Variants in TRIM38 observed in about 807,000 individuals in gnomAD.
TRIM38 encodes the protein tripartite motif containing 38.
Under a neutral mutation model 35.8 loss-of-function variants are expected in TRIM38, and 35 were observed. The observed-to-expected ratio is 0.98, with a 90% CI of 0.75 to 1.30. The LOEUF (loss-of-function observed/expected upper bound fraction) is 1.30, where lower values mean the gene tolerates loss of function less well. Ranked by LOEUF, TRIM38 falls within the 50% of genes most tolerant of loss-of-function variation. The pLI is 0.00. For missense variants in TRIM38, 545 were observed against 556.9 expected, an observed-to-expected ratio of 0.98 and a Z score of 0.21; for synonymous variants, 198 against 204.7, an observed-to-expected ratio of 0.97 and a Z score of 0.28.
Position 25,973,212 on chromosome 6 carries a change from C to T in TRIM38, c.801C>T (p.Ser267=), listed in dbSNP as rs1760292161. ...AGCTGGAAACATCAGAGGCTGTCTCCTTGGAACTTCATACTATGTGCAATG... is the reference window on the plus strand; with the variant it reads ...AGCTGGAAACATCAGAGGCTGTCTCTTTGGAACTTCATACTATGTGCAATG... The part of the protein sequence containing the change: ...AVKLETSEAV[S]LELHTMCNVS... The change falls in exon 7 of 8, where the codon TCC becomes TCT. Residue 267 remains serine, a synonymous_variant. Transcript: ENST00000357085. 6.2e-7 allele frequency: 1 copy of T among 1,614,194 alleles called. No homozygotes were observed. Among genetic ancestry groups the T allele is most frequent in the Non-Finnish European group, 8.5e-7 (1 of 1,180,036 alleles).
chr6:25,963,561 A>G (rs1462654373), intron 2 of TRIM38, among the ~76,000 whole-genome samples: 1 of 152,092 alleles, frequency 6.6e-6, no homozygotes, highest in Non-Finnish European at 1.5e-5. Flanking sequence ...CACTCTGAAC[A>G]TGTCTCTTGA....
chr6:25,962,950 A>C (rs1444687702), intron 1 of TRIM38, 95 bp downstream of exon 1: 1 of 152,518 alleles, frequency 6.6e-6, no homozygotes, highest in Non-Finnish European at 1.5e-5. Flanking sequence ...TGGGGTGGGG[A>C]ATATATTTCG....
Position 25,986,095 on chromosome 6 carries a change from C to T in TRIM38, c.*2408C>T, listed in dbSNP as rs1462489719. The T allele has an allele frequency of 6.6e-6, 1 of 152,000 alleles. No individual in the cohort carries two copies. The highest frequency in any genetic ancestry group is 1.9e-4 in the East Asian group (1 of 5,198). 9.4% of individuals were successfully genotyped at this position (152,000 alleles called of 1,614,324 possible). A position where few individuals can be genotyped will look rare whatever the true frequency, so the allele number is the denominator to read the frequency against. ...GAAAATAGGAACAAAAGAATATATA[C>T]TGGAATAATTTTGAGAGTAATTTGA... On this transcript the variant is annotated 3_prime_UTR_variant, in exon 8 of 8. Coordinates refer to ENST00000357085, the MANE Select transcript of TRIM38 (RefSeq NM_006355.5).
At chr6:25,975,703 G>A in intron 7 of TRIM38, 1 of 976,644 alleles carries the variant, frequency 1.0e-6, no homozygotes, top group Non-Finnish European at 1.2e-6. Context: ...CTTTCCCTAA[G>A]TTTGTACAAA....
intron 3 of TRIM38, among the ~76,000 whole-genome samples, chr6:25,967,665 T>C (rs1760102554): frequency 6.6e-6 from 1 of 150,906 alleles, no homozygotes; most frequent in Non-Finnish European, 1.5e-5. Flanking sequence ...GCCTCCCAAG[T>C]AGCTAGGACT....
chr6:25,977,435 C>T (rs949990270), intron 7 of TRIM38, among the ~76,000 whole-genome samples: 19 of 152,018 alleles, frequency 1.2e-4, no homozygotes, highest in African/African-American at 1.9e-4. Context: ...ATTGGGAGGC[C>T]GAGGCAGGAG....
rs59539108 is a variant in TRIM38, at chr6:25,989,510, C to CTTTTTT, written c.*5842_*5847dup. On this transcript the variant is annotated 3_prime_UTR_variant, in exon 8 of 8. Transcript: ENST00000357085. ...GCTATTGTTAGCAAGGTCTTGTATT[C>CTTTTTT]TTTTTTTTTTTTTTTTTTTTTTTTA... 1 of 93,734 alleles carries CTTTTTT rather than the reference C, an allele frequency of 1.1e-5. No individual in the cohort carries two copies. Among genetic ancestry groups the CTTTTTT allele is most frequent in the Non-Finnish European group, 2.2e-5 (1 of 45,650 alleles). 5.8% of individuals were successfully genotyped at this position (93,734 alleles called of 1,614,324 possible).
chr6:25,973,106 G>T, intron 6 of TRIM38, 30 bp downstream of exon 6: 3 of 1,614,086 alleles, frequency 1.9e-6, no homozygotes, highest in Admixed American at 1.7e-5. Flanking sequence ...AGGAGGGGAG[G>T]GGTGTGCGTA....
rs1313782052 is a variant in TRIM38 at position 25,987,707 on chromosome 6, G to A, written c.*4020G>A. On this transcript the variant is annotated 3_prime_UTR_variant, in exon 8 of 8. Coordinates refer to ENST00000357085, the MANE Select transcript of TRIM38 (RefSeq NM_006355.5). ...CATTGACACGTCATTATCAACGAAA[G>A]TCTGTAATTTACATTAGGGTTTATT... The A allele has an allele frequency of 6.6e-6, 1 of 152,166 alleles. No homozygotes were observed. The highest frequency in any genetic ancestry group is 1.9e-4 in the East Asian group (1 of 5,198). 9.4% of individuals were successfully genotyped at this position (152,166 alleles called of 1,614,324 possible). A position where few individuals can be genotyped will look rare whatever the true frequency, so the allele number is the denominator to read the frequency against.
Position 25,983,246 on chromosome 6 carries a change from C to T in TRIM38, c.957C>T (p.Thr319=), listed in dbSNP as rs1174076192. 5 of 1,613,952 alleles carry T rather than the reference C, an allele frequency of 3.1e-6. No homozygotes were observed. The highest frequency in any genetic ancestry group is 4.2e-6 in the Non-Finnish European group (5 of 1,179,994). ...EDRRQVTRGY[T]QENQDTSSRR... The stretch of plus-strand genomic sequence containing the variant: ...GGAGACAAGTGACTCGTGGATACAC[C>T]CAGGAGAATCAGGACACATCTTCCA... The change falls in exon 8 of 8, where the codon ACC becomes ACT. Residue 319 remains threonine (T), a synonymous_variant. Transcript: ENST00000357085.
intron 3 of TRIM38, among the ~76,000 whole-genome samples, 195 bp downstream of exon 3, chr6:25,967,128 G>T (rs1760083567): frequency 6.6e-6 from 1 of 152,208 alleles, no homozygotes; most frequent in African/African-American, 2.4e-5. Context: ...CAATGGGATG[G>T]TTGGACTCTT....
At position 25,971,943 on chromosome 6, in the gene TRIM38, G is replaced by C; in HGVS notation, c.582G>C (p.Glu194Asp). 6.2e-7 allele frequency: 1 copy of C among 1,614,164 alleles called. No homozygotes were observed. Among genetic ancestry groups the C allele is most frequent in the Non-Finnish European group, 8.5e-7 (1 of 1,180,012 alleles). ...TCCAGTGTTTCCTACATGAGGAAGA[G>C]AAGTCTTATCTCTGGAGGCTGGAGA... ...KNLQCFLHEE[E>D]KSYLWRLEKE... Residue 194 changes from glutamate to aspartate, a missense_variant, in exon 5 of 8, where the codon GAG becomes GAC. By Grantham distance (45) the Glu-to-Asp change is conservative. Coordinates refer to ENST00000357085, the MANE Select transcript of TRIM38 (RefSeq NM_006355.5).
At position 25,989,510 on chromosome 6, in the gene TRIM38, C is replaced by CTTTTTTT. The variant is rs59539108; in HGVS notation, c.*5841_*5847dup. On this transcript the variant is annotated 3_prime_UTR_variant, in exon 8 of 8. Coordinates refer to ENST00000357085, the MANE Select transcript of TRIM38 (RefSeq NM_006355.5). ...GCTATTGTTAGCAAGGTCTTGTATT[C>CTTTTTTT]TTTTTTTTTTTTTTTTTTTTTTTTA... 1.1e-4 allele frequency: 10 copies of CTTTTTTT among 93,712 alleles called. No homozygotes were observed. The highest frequency in any genetic ancestry group is 1.6e-4 in the African/African-American group (4 of 25,244). 5.8% of individuals were successfully genotyped at this position (93,712 alleles called of 1,614,324 possible).
At chr6:25,971,611 A>C (rs1760230679) in intron 4 of TRIM38, among the ~76,000 whole-genome samples, 1 of 152,186 alleles carries the variant, frequency 6.6e-6, no homozygotes, top group African/African-American at 2.4e-5. Context: ...TTAAACAATA[A>C]CTGTCCATTT....
chr6:25,976,406 C>T (rs528078138), intron 7 of TRIM38, among the ~76,000 whole-genome samples: 2 of 152,244 alleles, frequency 1.3e-5, no homozygotes, highest in East Asian at 3.9e-4. Context: ...TAGCTGGGAC[C>T]ACAGGCAAGC....
rs748767556 is a variant in TRIM38 at position 25,969,321 on chromosome 6, T to C, written c.412-4T>C. 1 of 1,611,226 alleles carries C rather than the reference T, an allele frequency of 6.2e-7. No individual in the cohort carries two copies. Among genetic ancestry groups the C allele is most frequent in the Non-Finnish European group, 8.5e-7 (1 of 1,178,750 alleles). ...AGGCTTCACTTATCAAATTTTTCCT[T>C]CAGGAAAAGCTCCAGAAAGCTGTGA... is the stretch of plus-strand genomic sequence containing the variant. On this transcript the variant is annotated splice_polypyrimidine_tract_variant and splice_region_variant and intron_variant, in intron 3 of 7. Transcript: ENST00000357085.
intron 7 of TRIM38, among the ~76,000 whole-genome samples, chr6:25,979,906 T>G (rs1760498068): frequency 6.6e-6 from 1 of 152,148 alleles, no homozygotes. Context: ...ATTGTTCCAT[T>G]CTATACATCT....
At position 25,983,452 on chromosome 6, in the gene TRIM38, G is replaced by A; in HGVS notation, c.1163G>A (p.Cys388Tyr). 6.2e-7 allele frequency: 1 copy of A among 1,614,118 alleles called. No homozygotes were observed. Among genetic ancestry groups the A allele is most frequent in the South Asian group, 1.1e-5 (1 of 91,086 alleles). ...TCTGGATTCTGGACCCTCAGGCTGTGCAAAAAGAAAGGCTATGTAGCACTT... is the reference window on the plus strand; with the variant it reads ...TCTGGATTCTGGACCCTCAGGCTGTACAAAAAGAAAGGCTATGTAGCACTT... ...PQSGFWTLRLCKKKGYVALTS... is the reference protein window; with the variant it reads ...PQSGFWTLRLYKKKGYVALTS... Residue 388 changes from cysteine (C) to tyrosine (Y), a missense_variant, in exon 8 of 8, where the codon TGC becomes TAC. By Grantham distance (194) the Cys-to-Tyr change is radical (BLOSUM62 -2). Transcript: ENST00000357085.
intron 7 of TRIM38, among the ~76,000 whole-genome samples, chr6:25,976,681 C>T (rs957152395): frequency 6.6e-6 from 1 of 152,120 alleles, no homozygotes; most frequent in African/African-American, 2.4e-5. Flanking sequence ...CATTCTTATC[C>T]ATGCTTCCTT....
Sources: allele counts gnomAD v4.1 joint callset (sites outside exome capture counted in the v4.1 genomes callset), GRCh38; gene constraint gnomAD v4.1.1; transcripts MANE v1.5; gene names NCBI Gene and HGNC (gene_info 2026-07-23, HGNC 2026-07-21).